AJAP1: variants seen among roughly 807,000 people sequenced by gnomAD.
AJAP1 encodes the protein adherens junction-associated protein 1.
In AJAP1, 5 loss-of-function variants were observed where a neutral mutation model predicts 35.0. The ratio of observed to expected loss-of-function variants is 0.14; its 90% confidence interval spans 0.07 to 0.30. The LOEUF is 0.30. Among genes scored for constraint, AJAP1 ranks in the 10% least tolerant of loss-of-function variants. The probability of loss-of-function intolerance (pLI) is 1.00; values close to 1 mark genes in which losing one functional copy is unlikely to be tolerated. For missense variants in AJAP1, 586 were observed against 571.0 expected (o/e 1.03, Z -0.27); for synonymous variants, 284 against 249.3 (o/e 1.14, Z -1.31).
At chr1:4,764,536 G>A (rs987077572) in intron 2 of AJAP1, among the ~76,000 whole-genome samples, 2 of 152,174 alleles carry the variant, frequency 1.3e-5, no homozygotes, top group Non-Finnish European at 2.9e-5. Context: ...ACATTTTGCA[G>A]GTCTCTGTGG....
At chr1:4,713,598 G>A (rs1192287564) in intron 2 of AJAP1, among the ~76,000 whole-genome samples, 1 of 152,236 alleles carries the variant, frequency 6.6e-6, no homozygotes, top group African/African-American at 2.4e-5. Context: ...AGGCCTGCGG[G>A]GAGAGCGCAG....
intron 2 of AJAP1, among the ~76,000 whole-genome samples, chr1:4,728,530 G>A (rs909799140): frequency 6.6e-5 from 10 of 152,116 alleles, no homozygotes; most frequent in East Asian, 1.9e-4. Flanking sequence ...GGGTGTGAGC[G>A]GCCATCACAG....
At chr1:4,751,561 A>G (rs1339528283) in intron 2 of AJAP1, among the ~76,000 whole-genome samples, 2 of 152,220 alleles carry the variant, frequency 1.3e-5, no homozygotes, top group African/African-American at 4.8e-5. Flanking sequence ...AGACACTGTC[A>G]TGAACAAGAG....
At chr1:4,695,353 G>A (rs374256658) in intron 1 of AJAP1, among the ~76,000 whole-genome samples, 9 of 152,162 alleles carry the variant, frequency 5.9e-5, no homozygotes, top group Non-Finnish European at 1.0e-4. Flanking sequence ...AAGGTTTTGC[G>A]GGGCCCATGC....
intron 1 of AJAP1, among the ~76,000 whole-genome samples, chr1:4,673,288 T>A (rs4654586): frequency 0.67 from 101,219 of 152,044 alleles, 35,514 homozygotes; most frequent in African/African-American, 0.9. Context: ...AATTCAATAG[T>A]TAGCTATCTA....
chr1:4,708,386 G>A (rs1041112998), intron 1 of AJAP1, among the ~76,000 whole-genome samples: 5 of 152,172 alleles, frequency 3.3e-5, no homozygotes, highest in African/African-American at 9.7e-5. Context: ...CCATGCCACA[G>A]GGCCTGCCTC....
chr1:4,752,705 G>A, intron 2 of AJAP1, among the ~76,000 whole-genome samples: 1 of 152,130 alleles, frequency 6.6e-6, no homozygotes, highest in East Asian at 1.9e-4. Flanking sequence ...CTGCCACAAA[G>A]AAACAATCCT....
At chr1:4,778,110 C>T (rs986730293) in intron 5 of AJAP1, among the ~76,000 whole-genome samples, 2 of 152,200 alleles carry the variant, frequency 1.3e-5, no homozygotes, top group South Asian at 2.1e-4. Context: ...TGCGCCACTG[C>T]GTAGCATGCA....
chr1:4,752,789 T>C (rs1641347571), intron 2 of AJAP1, among the ~76,000 whole-genome samples: 1 of 152,238 alleles, frequency 6.6e-6, no homozygotes, highest in African/African-American at 2.4e-5. Context: ...AAGAGTTTGC[T>C]TCTTGAAAGA....
intron 2 of AJAP1, among the ~76,000 whole-genome samples, chr1:4,743,927 A>C (rs1641126880): frequency 1.1e-5 from 1 of 89,476 alleles, no homozygotes; most frequent in Non-Finnish European, 2.6e-5. Flanking sequence ...CATCACTGAG[A>C]GAGCTCTCCA....
intron 1 of AJAP1, among the ~76,000 whole-genome samples, chr1:4,709,360 C>T (rs1237877096): frequency 6.6e-6 from 1 of 151,484 alleles, no homozygotes; most frequent in Non-Finnish European, 1.5e-5. Flanking sequence ...CTGTTGGAGT[C>T]TGGTGCAGTC....
chr1:4,714,424 A>G (rs557400487), intron 2 of AJAP1, among the ~76,000 whole-genome samples: 8 of 151,976 alleles, frequency 5.3e-5, no homozygotes, highest in Admixed American at 4.6e-4. Context: ...ATTTCTTGCT[A>G]CTCTCCCTTA....
At chr1:4,762,901 G>A (rs368047889) in intron 2 of AJAP1, among the ~76,000 whole-genome samples, 10 of 152,304 alleles carry the variant, frequency 6.6e-5, no homozygotes, top group African/African-American at 1.7e-4. Context: ...GAAACTTGGG[G>A]TGACTCCATG....
At chr1:4,732,569 C>T (rs894263902) in intron 2 of AJAP1, among the ~76,000 whole-genome samples, 2 of 152,278 alleles carry the variant, frequency 1.3e-5, no homozygotes, top group African/African-American at 2.4e-5. Flanking sequence ...ACTCTGCCTA[C>T]AGACAGCCTC....
At position 4,786,918 on chromosome 1, in the gene AJAP1, G is replaced by A. The variant is rs1237789510; in HGVS notation, c.*4433G>A. ...TTCATCAGGGCATATATGAGACTTG[G>A]TGCTCCACCAGACTGTCTTCTCCCC... On this transcript the variant is annotated 3_prime_UTR_variant, in exon 6 of 6. Coordinates refer to ENST00000378191, the MANE Select transcript of AJAP1 (RefSeq NM_018836.4). The A allele has an allele frequency of 2.0e-5, 3 of 152,154 alleles. No homozygotes were observed. Among genetic ancestry groups the A allele is most frequent in the African/African-American group, 7.2e-5 (3 of 41,428 alleles). The allele number at this position is 152,154 out of a possible 1,614,324, so 9.4% of individuals were successfully genotyped here.
chr1:4,668,136 C>T (rs187034680), intron 1 of AJAP1, among the ~76,000 whole-genome samples: 6 of 152,198 alleles, frequency 3.9e-5, no homozygotes, highest in African/African-American at 1.4e-4. Flanking sequence ...ATTGCTTGAA[C>T]CTGCGAGGCA....
At position 4,693,041 on chromosome 1, in the gene AJAP1, T is replaced by C. The variant is rs16839471; in HGVS notation, c.30-18859T>C. 2.8e-3 allele frequency among the ~76,000 whole-genome samples: 421 copies of C among 152,314 alleles called. 17 individuals are homozygous for C. The East Asian group carries it at 0.067, about 24-fold the overall frequency. ...AATACTAAATAAGAATTGAGCTTCA[T>C]AAATGCCCACCTCAGCTGTGCTTTA... is the stretch of plus-strand genomic sequence containing the variant. On this transcript the variant is annotated intron_variant, in intron 1 of 5. Coordinates refer to ENST00000378191, the MANE Select transcript of AJAP1 (RefSeq NM_018836.4). This position sits in a 1 kb window ranked among gnomAD's most constrained non-coding sequence, Gnocchi z 4.4.
chr1:4,730,026 C>G (rs2100297078), intron 2 of AJAP1, among the ~76,000 whole-genome samples: 1 of 152,268 alleles, frequency 6.6e-6, no homozygotes, highest in African/African-American at 2.4e-5. Flanking sequence ...GAGCAATGAC[C>G]CCCACGCAAC....
chr1:4,660,328 A>C (rs1202635654), intron 1 of AJAP1, among the ~76,000 whole-genome samples: 4 of 152,174 alleles, frequency 2.6e-5, no homozygotes, highest in African/African-American at 9.7e-5. Context: ...AGGAGTGGGG[A>C]ACGGAAGGAA....
Sources: allele counts gnomAD v4.1 joint callset (sites outside exome capture counted in the v4.1 genomes callset), GRCh38; gene constraint gnomAD v4.1.1; non-coding constraint Gnocchi (gnomAD v3.1); transcripts MANE v1.5; gene names NCBI Gene and HGNC (gene_info 2026-07-23, HGNC 2026-07-21).